MACF1: variants seen among roughly 807,000 people sequenced by gnomAD.
The protein encoded by MACF1 is microtubule actin crosslinking factor 1.
A neutral mutation model predicts 854.8 loss-of-function variants in MACF1; 193 were observed. The ratio of observed to expected loss-of-function variants is 0.23; its 90% CI spans 0.20 to 0.25. The LOEUF is 0.25. Among genes scored for constraint, MACF1 ranks in the 10% least tolerant of loss-of-function variants. The pLI is 1.00. For synonymous variants in MACF1, 3,185 were observed against 3,226.7 expected (o/e 0.99, Z 0.44); for missense variants, 7,722 against 8,929.1 (o/e 0.86, Z 5.45).
intron 58 of MACF1, chr1:39,413,738 C>T (rs1158641177): frequency 2.5e-6 from 4 of 1,597,070 alleles, no homozygotes; most frequent in South Asian, 1.1e-5. Context: ...GAATCCGCCT[C>T]CGCAGCTGTT....
chr1:39,389,351 GTTTTTT>G (rs10588247), intron 58 of MACF1, among the ~76,000 whole-genome samples: 6 of 63,482 alleles, frequency 9.5e-5, no homozygotes, highest in East Asian at 5.3e-4. Flanking sequence ...GTTTTTGTGT[GTTTTTT>G]TTTTTTTTTT....
chr1:39,409,704 GC>G lies in MACF1; in HGVS notation c.15817-12667del, dbSNP rs1161320171. On this transcript the variant is annotated intron_variant, in intron 58 of 100. Coordinates refer to ENST00000564288, the MANE Select transcript of MACF1 (RefSeq NM_001394062.1). This position sits in a 1 kb window ranked among gnomAD's most constrained non-coding sequence, Gnocchi z 4.2. ...AAGTTGCAGGAATATCCGCCGACCA[GC>G]CCAGTTCAAATGCAAACACCCCAGC... 1 of 152,478 alleles carries G rather than the reference GC, an allele frequency of 6.6e-6. No individual in the cohort carries two copies. The highest frequency in any genetic ancestry group is 2.4e-5 in the African/African-American group (1 of 41,466). The allele number at this position is 152,478 out of a possible 1,614,324, so 9.4% of individuals were successfully genotyped here.
At chr1:39,159,820 G>A (rs1643759993) in intron 2 of MACF1, among the ~76,000 whole-genome samples, 1 of 152,122 alleles carries the variant, frequency 6.6e-6, no homozygotes, top group African/African-American at 2.4e-5. Context: ...GCAACCATGG[G>A]GTGTGGAGAG....
intron 2 of MACF1, among the ~76,000 whole-genome samples, chr1:39,191,199 C>CT (rs10708375): frequency 0.056 from 7,623 of 135,360 alleles, 333 homozygotes; most frequent in African/African-American, 0.12. Flanking sequence ...TTCTTTCTTT[C>CT]TTTTTTTTTT....
In MACF1 at chr1:39,285,775, TC is replaced by T; in HGVS notation, c.1508+18del. ...GGCTTTTAGGTGAGGAACAAGGGACTCAAATGGAGGGCTTGCTTGCTTACTG... is the reference window on the plus strand; with the variant it reads ...GGCTTTTAGGTGAGGAACAAGGGACTAAATGGAGGGCTTGCTTGCTTACTG... On this transcript the variant is annotated intron_variant, in intron 14 of 100. Transcript: ENST00000564288. The T allele has an allele frequency of 6.2e-7, 1 of 1,611,658 alleles. No homozygotes were observed. Among genetic ancestry groups the T allele is most frequent in the Non-Finnish European group, 8.5e-7 (1 of 1,178,240 alleles).
chr1:39,261,630 T>C (rs189274350), intron 6 of MACF1, among the ~76,000 whole-genome samples: 1 of 152,250 alleles, frequency 6.6e-6, no homozygotes, highest in African/African-American at 2.4e-5. Context: ...GTGGCACATA[T>C]CAGTACGTCA....
At chr1:39,273,368 C>T (rs1255587925) in intron 6 of MACF1, among the ~76,000 whole-genome samples, 1 of 151,762 alleles carries the variant, frequency 6.6e-6, no homozygotes, top group African/African-American at 2.4e-5. Context: ...AGTCAGATAA[C>T]ACTGGGGCCT....
Position 39,423,903 on chromosome 1 carries a change from A to G in MACF1, c.16150-125A>G, listed in dbSNP as rs1285750124. ...CTCCTGTTTTTGCCCCAAGGATGAA[A>G]AAAACTTCTTTTACTCAATGAAGCT... On this transcript the variant is annotated intron_variant, in intron 60 of 100. Coordinates refer to ENST00000564288, the MANE Select transcript of MACF1 (RefSeq NM_001394062.1). 2.2e-5 allele frequency: 17 copies of G among 771,548 alleles called. No homozygotes were observed. The East Asian group carries it at 4.2e-4, about 19-fold the overall frequency. 47.8% of individuals were successfully genotyped at this position (771,548 alleles called of 1,614,324 possible).
chr1:39,361,060 C>T, intron 48 of MACF1, 59 bp downstream of exon 48: 6 of 1,427,634 alleles, frequency 4.2e-6, no homozygotes, highest in South Asian at 1.2e-5. Flanking sequence ...GCCATCATTA[C>T]ATAATGTTGA....
rs79136751 is a variant in MACF1, at chr1:39,351,392, C to G, written c.11199+374C>G. Reference sequence around the variant, plus strand: ...GGCTAGTCTGTGTTTTTACAAGAATCTTTATTTTTACAAGAAATGTCCAGG... The same window carrying G: ...GGCTAGTCTGTGTTTTTACAAGAATGTTTATTTTTACAAGAAATGTCCAGG... On this transcript the variant is annotated intron_variant, in intron 43 of 100. Coordinates refer to ENST00000564288, the MANE Select transcript of MACF1 (RefSeq NM_001394062.1). Among the ~76,000 whole-genome samples the G allele has an allele frequency of 1.1e-4, 17 of 152,016 alleles. 1 individual carries two copies. The East Asian group carries it at 3.1e-3, about 28-fold the overall frequency.
chr1:39,173,650 CTG>C (rs891211730), intron 2 of MACF1, among the ~76,000 whole-genome samples: 1 of 152,288 alleles, frequency 6.6e-6, no homozygotes, highest in African/African-American at 2.4e-5. Flanking sequence ...AGTAGAGACT[CTG>C]TTATTTCTCT....
intron 36 of MACF1, among the ~76,000 whole-genome samples, chr1:39,327,629 A>G (rs1054591192): frequency 1.3e-5 from 2 of 152,192 alleles, no homozygotes; most frequent in African/African-American, 4.8e-5. Flanking sequence ...AGTCTAGGAG[A>G]ACATAAATTC....
At chr1:39,413,846 A>C in intron 58 of MACF1, 1 of 1,609,100 alleles carries the variant, frequency 6.2e-7, no homozygotes, top group Non-Finnish European at 8.5e-7. Flanking sequence ...ACCCTGGAGG[A>C]ACCCACTTCC....
intron 52 of MACF1, among the ~76,000 whole-genome samples, chr1:39,374,413 A>G (rs1323582982): frequency 4.6e-5 from 7 of 152,234 alleles, no homozygotes; most frequent in African/African-American, 1.4e-4. Flanking sequence ...TTTCTATAGT[A>G]TTCTAAAGTT....
At chr1:39,160,610 CTTCTT>C (rs1160166286) in intron 2 of MACF1, among the ~76,000 whole-genome samples, 1 of 152,218 alleles carries the variant, frequency 6.6e-6, no homozygotes, top group Non-Finnish European at 1.5e-5. Context: ...GATTTAAACT[CTTCTT>C]TGCTCCTGCA....
intron 52 of MACF1, among the ~76,000 whole-genome samples, chr1:39,375,133 A>AATAC (rs1400937286): frequency 4.0e-5 from 6 of 151,466 alleles, no homozygotes; most frequent in African/African-American, 1.5e-4. Flanking sequence ...TAAATAAATA[A>AATAC]TAAAAATTAA....
chr1:39,438,700 C>T (rs548193139), intron 71 of MACF1, among the ~76,000 whole-genome samples: 1 of 152,116 alleles, frequency 6.6e-6, no homozygotes, highest in African/African-American at 2.4e-5. Context: ...ATCGCTTGAA[C>T]CTGGGAGGCA....
At chr1:39,247,976 T>C (rs111254532) in intron 2 of MACF1, among the ~76,000 whole-genome samples, 24,330 of 152,186 alleles carry the variant, frequency 0.16, 2,420 homozygotes, top group Middle Eastern at 0.22. Flanking sequence ...GAGCCAAGAT[T>C]GTGCCACTGC....
intron 86 of MACF1, 78 bp downstream of exon 86, chr1:39,452,428 TC>T: frequency 7.1e-7 from 1 of 1,412,976 alleles, no homozygotes; most frequent in Non-Finnish European, 9.6e-7. Context: ...TAGAATCTGT[TC>T]CAGTCAGTCT....
Sources: gnomAD v4.1 joint callset for allele counts (sites outside exome capture counted in the v4.1 genomes callset) on GRCh38, gnomAD v4.1.1 for gene constraint, Gnocchi (gnomAD v3.1) non-coding constraint, MANE v1.5 for transcripts, NCBI Gene and HGNC (gene_info 2026-07-23, HGNC 2026-07-21) for gene names.